OR14A16: variants seen among roughly 807,000 people sequenced by gnomAD.
OR14A16 encodes olfactory receptor 14A16.
For missense variants in OR14A16, 341 were observed against 366.5 expected (o/e 0.93, Z 0.57); for synonymous variants, 135 against 137.6 (o/e 0.98, Z 0.13).
At position 247,815,295 on chromosome 1, in the gene OR14A16, C is replaced by CA. The variant is rs1271427431; in HGVS notation, c.434dup (p.Ser146ValfsTer33). On this transcript the variant is annotated frameshift_variant, in exon 3 of 3. Transcript: ENST00000641093. LOFTEE classifies it low-confidence loss of function (END_TRUNC). Reference sequence around the variant, plus strand: ...CAATCAGACCCCCATACAGCCAAGACACAGTGGCTCTTTGGACACAGGTGC... The same window carrying CA: ...CAATCAGACCCCCATACAGCCAAGACAACAGTGGCTCTTTGGACACAGGTGC... 1 of 1,613,926 alleles carries CA rather than the reference C, an allele frequency of 6.2e-7. No individual in the cohort carries two copies. Among genetic ancestry groups the CA allele is most frequent in the Non-Finnish European group, 8.5e-7 (1 of 1,179,936 alleles).
At chr1:247,816,449 G>A (rs1406880361) in intron 2 of OR14A16, among the ~76,000 whole-genome samples, 1 of 152,310 alleles carries the variant, frequency 6.6e-6, no homozygotes. Flanking sequence ...TGAGCTGGCC[G>A]GGTGCGGTGG....
Position 247,815,130 on chromosome 1 carries a change from A to G in OR14A16, c.600T>C (p.Ile200=). 1 of 1,612,932 alleles carries G rather than the reference A, an allele frequency of 6.2e-7. No homozygotes were observed. Among genetic ancestry groups the G allele is most frequent in the Non-Finnish European group, 8.5e-7 (1 of 1,178,926 alleles). The change falls in exon 3 of 3, where the codon ATT becomes ATC. Residue 200 remains isoleucine (I), a synonymous_variant. Transcript: ENST00000641093. ...AACAGCAGAAATCCAAAACTACATT[A>G]ATAAGGATGAGTGCAATTTCTCTTA... ...NLIREIALIL[I]NVVLDFCCFI... is the part of the protein sequence containing the mutation.
rs531089227 is a variant in OR14A16, at chr1:247,814,850, T to A, written c.880A>T (p.Ile294Leu). Residue 294 changes from isoleucine (I) to leucine (L), a missense_variant, in exon 3 of 3, where the codon ATA becomes TTA. Coordinates refer to ENST00000641093, the MANE Select transcript of OR14A16 (RefSeq NM_001001966.2). Reference sequence around the variant, plus strand: ...ATCAACATCCCCAGAGCCACCTTTATGGCCTTGTTTCTCAAACTGTATATA... The same window carrying A: ...ATCAACATCCCCAGAGCCACCTTTAAGGCCTTGTTTCTCAAACTGTATATA... ...PIIYSLRNKA[I>L]KVALGMLIKG... 1 of 1,602,894 alleles carries A rather than the reference T, an allele frequency of 6.2e-7. No individual in the cohort carries two copies. Among genetic ancestry groups the A allele is most frequent in the Admixed American group, 1.7e-5 (1 of 57,522 alleles).
Position 247,814,797 on chromosome 1 carries a change from C to A in OR14A16, c.*3G>T, listed in dbSNP as rs1387836188. ...ATTATTGAAAGAAGAAAAGCAACAG[C>A]TTTTACTTTTTGGTGAGCTTTCCCT... On this transcript the variant is annotated 3_prime_UTR_variant, in exon 3 of 3. Transcript: ENST00000641093. 4.6e-6 allele frequency: 7 copies of A among 1,524,210 alleles called. No individual in the cohort carries two copies. The highest frequency in any genetic ancestry group is 4.5e-5 in the Admixed American group (2 of 44,572). 94.4% of individuals were successfully genotyped at this position (1,524,210 alleles called of 1,614,324 possible). A position where few individuals can be genotyped will look rare whatever the true frequency, so the allele number is the denominator to read the frequency against.
intron 2 of OR14A16, among the ~76,000 whole-genome samples, chr1:247,818,498 A>G (rs753028629): frequency 6.6e-6 from 1 of 152,218 alleles, no homozygotes; most frequent in East Asian, 1.9e-4. Flanking sequence ...TGTTGTGCAT[A>G]TGCACAATGG....
chr1:247,820,796 G>T (rs1277880143), intron 1 of OR14A16, among the ~76,000 whole-genome samples: 1 of 151,156 alleles, frequency 6.6e-6, no homozygotes, highest in Non-Finnish European at 1.5e-5. Context: ...GGAGGCGGAG[G>T]TTGCAGTGAG....
In OR14A16 at chr1:247,815,442, AAC is replaced by A. The variant is rs745757180; in HGVS notation, c.286_287del (p.Val96PhefsTer23). On this transcript the variant is annotated frameshift_variant, in exon 3 of 3. Coordinates refer to ENST00000641093, the MANE Select transcript of OR14A16 (RefSeq NM_001001966.2). LOFTEE classifies it low-confidence loss of function (END_TRUNC). ...HNNSISFLGCVSQVFLLLSSA... is the reference protein window; with the variant it reads ...HNNSISFLGCXSQVFLLLSSA... ...AAGAAAGCAACAAAAAGACCTGGGA[AAC>A]ACAGCCAAGGAATGAAATGGAGTTG... is the stretch of plus-strand genomic sequence containing the variant. The A allele has an allele frequency of 7.4e-6, 12 of 1,614,056 alleles. No homozygotes were observed. Among genetic ancestry groups the A allele is most frequent in the South Asian group, 2.2e-5 (2 of 91,086 alleles).
chr1:247,817,506 G>A (rs1046894744), intron 2 of OR14A16, among the ~76,000 whole-genome samples: 3 of 152,134 alleles, frequency 2.0e-5, no homozygotes, highest in East Asian at 1.9e-4. Context: ...AATAGTCCCC[G>A]AGTGGTTGAG....
chr1:247,820,625 C>T (rs1417414167), intron 1 of OR14A16, among the ~76,000 whole-genome samples: 1 of 151,764 alleles, frequency 6.6e-6, no homozygotes, highest in Non-Finnish European at 1.5e-5. Context: ...GTGTGTGGAT[C>T]ACTTGAGGTC....
intron 2 of OR14A16, among the ~76,000 whole-genome samples, chr1:247,816,154 T>C (rs1379862736): frequency 6.6e-6 from 1 of 152,150 alleles, no homozygotes; most frequent in Non-Finnish European, 1.5e-5. Flanking sequence ...CTACATCTTG[T>C]CCCATGACTA....
At chr1:247,822,514 G>T (rs1482028521) in intron 1 of OR14A16, among the ~76,000 whole-genome samples, 1 of 151,450 alleles carries the variant, frequency 6.6e-6, no homozygotes, top group African/African-American at 2.4e-5. Context: ...TGGACTTAGG[G>T]CTGCACCATC....
rs1417547720 is a variant in OR14A16 at position 247,815,187 on chromosome 1, C to A, written c.543G>T (p.Gln181His). 1.9e-6 allele frequency: 3 copies of A among 1,613,760 alleles called. No individual in the cohort carries two copies. Among genetic ancestry groups the A allele is most frequent in the Non-Finnish European group, 2.5e-6 (3 of 1,179,840 alleles). ...MVHQFFCDIP[Q>H]LLAISCSENL... ...TTTCTGAGCAAGAAATAGCTAATAA[C>A]TGGGGAATGTCACAGAAGAACTGAT... Residue 181 changes from glutamine to histidine, a missense_variant, in exon 3 of 3, where the codon CAG becomes CAT. By Grantham distance (24) the Gln-to-His change is conservative. Coordinates refer to ENST00000641093, the MANE Select transcript of OR14A16 (RefSeq NM_001001966.2).
rs1433117786 is a variant in OR14A16, at chr1:247,815,355, A to G, written c.375T>C (p.Cys125=). The part of the protein sequence containing the change: ...VMSFDRYTAI[C]HPLHYDVIMD... ...TGATGACATCATAGTGCAGAGGGTG[A>G]CATATAGCAGTATAGCGGTCAAAGG... Residue 125 remains cysteine, a synonymous_variant, in exon 3 of 3, where the codon TGT becomes TGC. Transcript: ENST00000641093. The G allele has an allele frequency of 6.8e-6, 11 of 1,613,898 alleles. No homozygotes were observed. Among genetic ancestry groups the G allele is most frequent in the Non-Finnish European group, 3.4e-6 (4 of 1,179,992 alleles).
chr1:247,819,412 T>G (rs1323787983), intron 1 of OR14A16, among the ~76,000 whole-genome samples: 2 of 151,282 alleles, frequency 1.3e-5, no homozygotes, highest in East Asian at 1.9e-4. Flanking sequence ...AAAAAAAGAC[T>G]AGGAGATGTG....
chr1:247,816,455 G>A (rs911706427), intron 2 of OR14A16, among the ~76,000 whole-genome samples: 2 of 152,192 alleles, frequency 1.3e-5, no homozygotes, highest in African/African-American at 4.8e-5. Flanking sequence ...GGCCGGGTGC[G>A]GTGGCTCACG....
At chr1:247,822,494 C>T (rs552407924) in intron 1 of OR14A16, among the ~76,000 whole-genome samples, 3 of 99,630 alleles carry the variant, frequency 3.0e-5, no homozygotes, top group Non-Finnish European at 6.5e-5. Flanking sequence ...GGCTCTTGGG[C>T]TTTTGGCCTT....
intron 2 of OR14A16, among the ~76,000 whole-genome samples, chr1:247,818,410 C>T (rs1662666926): frequency 6.6e-6 from 1 of 152,160 alleles, no homozygotes; most frequent in Admixed American, 6.5e-5. Context: ...GAAAGGAAAT[C>T]AGTATATCAG....
intron 1 of OR14A16, among the ~76,000 whole-genome samples, chr1:247,821,647 T>C (rs1188963299): frequency 6.8e-6 from 1 of 146,390 alleles, no homozygotes; most frequent in Non-Finnish European, 1.5e-5. Flanking sequence ...GTGTCCTTTA[T>C]GATGATGTGA....
At chr1:247,823,187 A>G (rs1254455137) in intron 1 of OR14A16, among the ~76,000 whole-genome samples, 1 of 152,162 alleles carries the variant, frequency 6.6e-6, no homozygotes, top group Non-Finnish European at 1.5e-5. Flanking sequence ...GAGTTGTGTC[A>G]TAATATTAAA....
Sources: gnomAD v4.1 joint callset for allele counts (sites outside exome capture counted in the v4.1 genomes callset) on GRCh38, gnomAD v4.1.1 for gene constraint, MANE v1.5 for transcripts, NCBI Gene and HGNC (gene_info 2026-07-23, HGNC 2026-07-21) for gene names.